Variants in TLK2 observed in about 807,000 individuals in gnomAD.
TLK2 encodes serine/threonine-protein kinase tousled-like 2.
Under a neutral mutation model 117.3 loss-of-function variants are expected in TLK2, and 6 were observed. The observed-to-expected ratio is 0.05, with a 90% confidence interval of 0.03 to 0.10. The LOEUF is 0.10. Among genes scored for constraint, TLK2 ranks in the 10% least tolerant of loss-of-function variants. The pLI is 1.00. For missense variants in TLK2, 299 were observed against 901.2 expected, an observed-to-expected ratio of 0.33 and a Z score of 8.56; for synonymous variants, 257 against 316.7, an observed-to-expected ratio of 0.81 and a Z score of 2.00.
intron 15 of TLK2, among the ~76,000 whole-genome samples, chr17:62,583,752 A>AT (rs1232866289): frequency 1.4e-4 from 21 of 151,020 alleles, no homozygotes; most frequent in Non-Finnish European, 1.2e-4. Context: ...TAATTTTTGT[A>AT]TTTTTTGGTA....
chr17:62,595,644 T>C (rs116402247), intron 16 of TLK2, among the ~76,000 whole-genome samples: 2 of 152,180 alleles, frequency 1.3e-5, no homozygotes, highest in African/African-American at 2.4e-5. Flanking sequence ...CTTAGCATCA[T>C]TGACCGAAGG....
chr17:62,496,240 TA>T (rs1371095011), intron 2 of TLK2, among the ~76,000 whole-genome samples: 1 of 152,246 alleles, frequency 6.6e-6, no homozygotes, highest in African/African-American at 2.4e-5. Flanking sequence ...TTTACATTCA[TA>T]CATATAGAGC....
intron 16 of TLK2, among the ~76,000 whole-genome samples, chr17:62,588,290 G>A (rs2081805919): frequency 6.6e-6 from 1 of 152,134 alleles, no homozygotes; most frequent in African/African-American, 2.4e-5. Flanking sequence ...AACTGCAGGT[G>A]GGCGTTCTGC....
chr17:62,539,209 A>G (rs2077328371), intron 7 of TLK2, among the ~76,000 whole-genome samples: 1 of 152,180 alleles, frequency 6.6e-6, no homozygotes, highest in Non-Finnish European at 1.5e-5. Flanking sequence ...AAAGATATTT[A>G]TTGAGGTATT....
upstream of TLK2, among the ~76,000 whole-genome samples, chr17:62,478,752 G>GA (rs2071230032): frequency 1.4e-4 from 2 of 14,104 alleles, no homozygotes; most frequent in Non-Finnish European, 9.2e-4. Context: ...ACCCCCCCAG[G>GA]ACCCCCCCCG....
intron 14 of TLK2, among the ~76,000 whole-genome samples, chr17:62,578,799 A>G (rs1204428206): frequency 2.0e-5 from 3 of 152,212 alleles, no homozygotes; most frequent in Non-Finnish European, 4.4e-5. Context: ...ATATGTGTAT[A>G]CATATAGCAT....
chr17:62,572,485 T>C (rs2080390109), intron 11 of TLK2, among the ~76,000 whole-genome samples: 1 of 152,190 alleles, frequency 6.6e-6, no homozygotes, highest in East Asian at 1.9e-4. Flanking sequence ...CAGAAAAATG[T>C]GACATCTTAT....
chr17:62,572,536 G>A (rs1203697234), intron 11 of TLK2, among the ~76,000 whole-genome samples: 1 of 152,148 alleles, frequency 6.6e-6, no homozygotes, highest in Non-Finnish European at 1.5e-5. Context: ...ATTAACTGCA[G>A]TTGTAAAATA....
chr17:62,487,071 A>T (rs1210229635), intron 2 of TLK2, among the ~76,000 whole-genome samples: 1 of 152,216 alleles, frequency 6.6e-6, no homozygotes, highest in Non-Finnish European at 1.5e-5. Flanking sequence ...AGGCAGGCAG[A>T]TCACGAGGTC....
chr17:62,583,605 C>T (rs2081374177), intron 15 of TLK2, among the ~76,000 whole-genome samples: 1 of 151,942 alleles, frequency 6.6e-6, no homozygotes. Context: ...GACAGAGTCT[C>T]ACTCTGTCGT....
chr17:62,489,115 T>G (rs576399141), intron 2 of TLK2, among the ~76,000 whole-genome samples: 4 of 152,078 alleles, frequency 2.6e-5, no homozygotes, highest in Admixed American at 6.6e-5. Context: ...CCTTGAAGAT[T>G]TAACTCCATT....
chr17:62,600,134 C>G (rs2082766942), intron 17 of TLK2: 1 of 152,448 alleles, frequency 6.6e-6, no homozygotes, highest in Non-Finnish European at 1.5e-5. Context: ...TAGATTCTTA[C>G]TCATTGCCAG....
At chr17:62,484,534 G>A (rs1353212768) in intron 2 of TLK2, among the ~76,000 whole-genome samples, 2 of 151,666 alleles carry the variant, frequency 1.3e-5, no homozygotes, top group Non-Finnish European at 2.9e-5. Context: ...CTGACCTCAG[G>A]TGATCCACCC....
intron 3 of TLK2, among the ~76,000 whole-genome samples, chr17:62,521,436 G>A (rs2076041910): frequency 6.6e-6 from 1 of 152,140 alleles, no homozygotes; most frequent in African/African-American, 2.4e-5. Flanking sequence ...ACATGGCCTC[G>A]CTCTGTCATG....
At chr17:62,582,710 T>A (rs2081306469) in intron 15 of TLK2, among the ~76,000 whole-genome samples, 1 of 152,220 alleles carries the variant, frequency 6.6e-6, no homozygotes, top group Non-Finnish European at 1.5e-5. Context: ...TAAAGTACAT[T>A]CACACTTTTT....
intron 7 of TLK2, chr17:62,551,038 G>A (rs528341177): frequency 3.9e-5 from 6 of 152,304 alleles, no homozygotes; most frequent in African/African-American, 1.4e-4. Context: ...GGCTGGTCTC[G>A]AGCTTCTGTC....
chr17:62,575,099 T>C (rs1252183261), intron 12 of TLK2, among the ~76,000 whole-genome samples: 1 of 152,234 alleles, frequency 6.6e-6, no homozygotes, highest in African/African-American at 2.4e-5. Context: ...TTAGGAGTGA[T>C]AAAGAAAGCA....
chr17:62,552,815 T>C (rs2146213265), intron 8 of TLK2, among the ~76,000 whole-genome samples: 1 of 152,314 alleles, frequency 6.6e-6, no homozygotes, highest in Non-Finnish European at 1.5e-5. Context: ...AGACAGTGTA[T>C]ACAAAATGTT....
chr17:62,471,668 C>T (rs773634060), intron 1 of TLK2, among the ~76,000 whole-genome samples: 3 of 114,580 alleles, frequency 2.6e-5, no homozygotes, highest in Non-Finnish European at 3.9e-5. Flanking sequence ...TCTAAGCCAG[C>T]GTCGGCTCGG....
Sources: allele counts gnomAD v4.1 joint callset (sites outside exome capture counted in the v4.1 genomes callset), GRCh38; gene constraint gnomAD v4.1.1; transcripts MANE v1.5; gene names NCBI Gene and HGNC (gene_info 2026-07-23, HGNC 2026-07-21).